COL4A3: variants seen among roughly 807,000 people sequenced by gnomAD.
The protein encoded by COL4A3 is collagen alpha-3(IV) chain.
A neutral mutation model predicts 217.4 loss-of-function variants in COL4A3; 135 were observed. The observed-to-expected ratio is 0.62, with a 90% CI of 0.54 to 0.72. COL4A3 has a LOEUF of 0.72. Ranked by LOEUF, COL4A3 falls within the 30% of genes least tolerant of loss-of-function variation. COL4A3 has a pLI of 0.00. For synonymous variants in COL4A3, 690 were observed against 736.3 expected (o/e 0.94, Z 1.02); for missense variants, 1,868 against 2,119.9 (o/e 0.88, Z 2.33).
chr2:227,306,937 T>A (rs889795105), intron 47 of COL4A3, among the ~76,000 whole-genome samples: 1 of 151,846 alleles, frequency 6.6e-6, no homozygotes, highest in Non-Finnish European at 1.5e-5. Flanking sequence ...CCAATGCCAA[T>A]ACCATAAATA....
chr2:227,190,680 G>A (rs2066201860), intron 1 of COL4A3, among the ~76,000 whole-genome samples: 1 of 152,218 alleles, frequency 6.6e-6, no homozygotes, highest in Non-Finnish European at 1.5e-5. Flanking sequence ...GCCAAGGCAG[G>A]CAGATTGCTT....
chr2:227,275,065 T>A (rs1335128555), intron 26 of COL4A3, among the ~76,000 whole-genome samples: 1 of 152,246 alleles, frequency 6.6e-6, no homozygotes, highest in Non-Finnish European at 1.5e-5. Context: ...AATGGCAGAA[T>A]TGAGTAGTTG....
intron 1 of COL4A3, among the ~76,000 whole-genome samples, chr2:227,196,874 T>C (rs1419492390): frequency 2.0e-5 from 3 of 150,886 alleles, no homozygotes; most frequent in Admixed American, 2.0e-4. Flanking sequence ...GTGGTTTGGA[T>C]GTGTCCCCAC....
intron 14 of COL4A3, 140 bp downstream of exon 14, chr2:227,254,314 G>A (rs1054776321): frequency 1.1e-5 from 8 of 748,978 alleles, no homozygotes; most frequent in Non-Finnish European, 1.6e-5. Flanking sequence ...CACAGGCAGA[G>A]CAGCTATTGC....
Position 227,258,717 on chromosome 2 carries a change from A to G in COL4A3, c.1029+1073A>G, listed in dbSNP as rs568215987. Among the ~76,000 whole-genome samples the G allele has an allele frequency of 2.6e-4, 40 of 152,188 alleles. 1 individual carries two copies. Among genetic ancestry groups the G allele is most frequent in the Non-Finnish European group, 4.3e-4 (29 of 68,018 alleles). On this transcript the variant is annotated intron_variant, in intron 18 of 51. Transcript: ENST00000396578. ...AGACCCTACCTCTTACTTCTATCAC[A>G]TTGATAACACCTGAATTTTGGAGGG...
At chr2:227,220,056 T>G (rs2067700578) in intron 1 of COL4A3, among the ~76,000 whole-genome samples, 1 of 152,038 alleles carries the variant, frequency 6.6e-6, no homozygotes, top group Admixed American at 6.6e-5. Flanking sequence ...TGCTGAAGAT[T>G]TGAATCTTAC....
intron 41 of COL4A3, among the ~76,000 whole-genome samples, chr2:227,296,758 C>T (rs2073044280): frequency 6.6e-6 from 1 of 152,156 alleles, no homozygotes; most frequent in African/African-American, 2.4e-5. Context: ...TGTGAATAGA[C>T]ATAGGGCTAG....
chr2:227,198,611 T>C (rs1252784791), intron 1 of COL4A3, among the ~76,000 whole-genome samples: 1 of 152,194 alleles, frequency 6.6e-6, no homozygotes, highest in African/African-American at 2.4e-5. Flanking sequence ...CTCCACACCA[T>C]GTACTACTAC....
rs540296097 is a variant in COL4A3, at chr2:227,200,308, A to G, written c.87+35495A>G. Among the ~76,000 whole-genome samples, 9 of 152,300 alleles carry G rather than the reference A, an allele frequency of 5.9e-5. No individual in the cohort carries two copies. The South Asian group carries it at 1.9e-3, about 32-fold the overall frequency. ...TCTTGAACATCCACTGTATTCACAA[A>G]GTTTTTCCTGGGTGCCAGCAACCCA... On this transcript the variant is annotated intron_variant, in intron 1 of 51. Coordinates refer to ENST00000396578, the MANE Select transcript of COL4A3 (RefSeq NM_000091.5).
chr2:227,246,265 G>T, intron 6 of COL4A3: 1 of 558,260 alleles, frequency 1.8e-6, no homozygotes, highest in Non-Finnish European at 3.2e-6. Flanking sequence ...TTCATCTGAG[G>T]CTGTGTGTAT....
intron 51 of COL4A3, among the ~76,000 whole-genome samples, chr2:227,311,416 G>A (rs371288956): frequency 3.1e-3 from 449 of 143,038 alleles, no homozygotes; most frequent in African/African-American, 0.011. Flanking sequence ...GTCTCGCTCT[G>A]TTGCCCAGGC....
intron 1 of COL4A3, chr2:227,222,302 T>C (rs929471677): frequency 1.3e-5 from 2 of 152,172 alleles, no homozygotes; most frequent in African/African-American, 2.4e-5. Context: ...TGGCACTGTT[T>C]CTGTTCTGCC....
At chr2:227,172,581 C>CT (rs11315628) in intron 1 of COL4A3, among the ~76,000 whole-genome samples, 17,076 of 73,408 alleles carry the variant, frequency 0.23, 2,251 homozygotes, top group South Asian at 0.28. Context: ...TCGTCTTCTT[C>CT]TTTTTTTTTT....
At chr2:227,261,015 A>C in intron 19 of COL4A3, 67 bp from the exon 20 acceptor site, 5 of 1,344,360 alleles carry the variant, frequency 3.7e-6, no homozygotes, top group Non-Finnish European at 4.3e-6. Flanking sequence ...GTCACCCAAG[A>C]TTCCAAAAGT....
At chr2:227,300,917 G>C (rs550213718) in intron 43 of COL4A3, among the ~76,000 whole-genome samples, 1 of 152,192 alleles carries the variant, frequency 6.6e-6, no homozygotes, top group South Asian at 2.1e-4. Context: ...GAGGAAAGGA[G>C]CTTTCTGAGC....
chr2:227,292,778 T>C (rs1415365408), intron 37 of COL4A3, among the ~76,000 whole-genome samples: 3 of 152,204 alleles, frequency 2.0e-5, no homozygotes, highest in Non-Finnish European at 4.4e-5. Context: ...GATTATTTAA[T>C]ATCTATCTCC....
intron 2 of COL4A3, 63 bp from the exon 3 acceptor site, chr2:227,240,080 G>C: frequency 1.6e-6 from 2 of 1,239,410 alleles, no homozygotes; most frequent in Admixed American, 3.9e-5. Context: ...AATGGTTATT[G>C]GTGTGTTTAT....
At chr2:227,197,301 C>T (rs1175960656) in intron 1 of COL4A3, among the ~76,000 whole-genome samples, 1 of 152,098 alleles carries the variant, frequency 6.6e-6, no homozygotes, top group Non-Finnish European at 1.5e-5. Context: ...GCTGCAACCT[C>T]CACCTCCCTG....
chr2:227,215,451 T>C (rs2067490299), intron 1 of COL4A3, among the ~76,000 whole-genome samples: 1 of 152,126 alleles, frequency 6.6e-6, no homozygotes, highest in Admixed American at 6.5e-5. Context: ...TTGTTGTTTT[T>C]GTTTTTTGTT....
Sources: gnomAD v4.1 joint callset for allele counts (sites outside exome capture counted in the v4.1 genomes callset) on GRCh38, gnomAD v4.1.1 for gene constraint, MANE v1.5 for transcripts, NCBI Gene and HGNC (gene_info 2026-07-23, HGNC 2026-07-21) for gene names.